DCC: variants seen among roughly 807,000 people sequenced by gnomAD.
DCC encodes the protein netrin receptor DCC.
DCC carries 58 observed loss-of-function variants against 172.5 expected under a neutral mutation model. That is an observed-to-expected ratio of 0.34 (90% confidence interval 0.27 to 0.42). The LOEUF (loss-of-function observed/expected upper bound fraction) is 0.42. DCC is among the 10% of genes least tolerant of loss of function. The pLI is 1.00. For synonymous variants in DCC, 709 were observed against 644.5 expected (o/e 1.10, Z -1.52); for missense variants, 1,740 against 1,791.0 (o/e 0.97, Z 0.51).
At chr18:52,373,767 G>A (rs1250492213) in intron 1 of DCC, among the ~76,000 whole-genome samples, 1 of 151,980 alleles carries the variant, frequency 6.6e-6, no homozygotes, top group Admixed American at 6.6e-5. Context: ...TAGCCTAAAT[G>A]ATGCTAACAC....
chr18:52,421,692 C>G (rs1057186171), intron 1 of DCC, among the ~76,000 whole-genome samples: 3 of 152,312 alleles, frequency 2.0e-5, no homozygotes, highest in East Asian at 1.9e-4. Flanking sequence ...GTGGTTCTGG[C>G]ATGAGAAGCA....
intron 21 of DCC, among the ~76,000 whole-genome samples, chr18:53,429,047 TAATATATTATATA>T (rs1568127045): frequency 2.4e-4 from 8 of 33,878 alleles, no homozygotes; most frequent in Non-Finnish European, 4.3e-4. Flanking sequence ...ATTTTATATA[TAATATATTATATA>T]TTTTATATAT....
At chr18:53,347,489 G>T (rs186903273) in intron 15 of DCC, among the ~76,000 whole-genome samples, 1 of 152,106 alleles carries the variant, frequency 6.6e-6, no homozygotes, top group Non-Finnish European at 1.5e-5. Flanking sequence ...AGCTGTTATT[G>T]TGAACATTCT....
At chr18:53,528,496 G>C (rs2046484504) in intron 28 of DCC, among the ~76,000 whole-genome samples, 1 of 152,002 alleles carries the variant, frequency 6.6e-6, no homozygotes, top group Non-Finnish European at 1.5e-5. Context: ...ATCATGTCAG[G>C]TAGGCCTATT....
At chr18:53,154,350 A>G (rs1287284785) in intron 7 of DCC, among the ~76,000 whole-genome samples, 1 of 152,192 alleles carries the variant, frequency 6.6e-6, no homozygotes, top group East Asian at 1.9e-4. Flanking sequence ...GTACTTGAAC[A>G]AAAGTCCTCT....
At chr18:53,373,075 T>C (rs1472094844) in intron 15 of DCC, among the ~76,000 whole-genome samples, 2 of 152,170 alleles carry the variant, frequency 1.3e-5, no homozygotes, top group South Asian at 2.1e-4. Context: ...TTTGTTTGCT[T>C]TCCTTTATCA....
intron 5 of DCC, among the ~76,000 whole-genome samples, chr18:52,981,596 G>A (rs901729096): frequency 1.3e-5 from 2 of 152,018 alleles, no homozygotes; most frequent in Non-Finnish European, 1.5e-5. Context: ...CTCTATAGGT[G>A]TTGCCAACAA....
intron 1 of DCC, among the ~76,000 whole-genome samples, chr18:52,750,486 A>G (rs1405962217): frequency 6.6e-6 from 1 of 152,176 alleles, no homozygotes; most frequent in Non-Finnish European, 1.5e-5. Context: ...ATTATTTTAC[A>G]ATTTATATTA....
chr18:53,103,032 T>C (rs1011600605), intron 7 of DCC, among the ~76,000 whole-genome samples: 5 of 152,102 alleles, frequency 3.3e-5, no homozygotes, highest in African/African-American at 1.2e-4. Context: ...TAGCTCACAG[T>C]TTTGAAAATT....
intron 1 of DCC, among the ~76,000 whole-genome samples, chr18:52,557,539 T>C (rs2032943550): frequency 1.3e-5 from 2 of 152,226 alleles, no homozygotes; most frequent in African/African-American, 2.4e-5. Context: ...ATAATACTAT[T>C]GATATACTAC....
chr18:53,399,622 G>GCA (rs1568107352), intron 18 of DCC, among the ~76,000 whole-genome samples: 4,389 of 34,250 alleles, frequency 0.13, 2,093 homozygotes, highest in Middle Eastern at 0.27. Flanking sequence ...AAATCAGAGG[G>GCA]GGCCGGGCGC....
intron 1 of DCC, among the ~76,000 whole-genome samples, chr18:52,457,845 C>T (rs1988505368): frequency 6.6e-6 from 1 of 152,114 alleles, no homozygotes; most frequent in Non-Finnish European, 1.5e-5. Context: ...CTTGGGAAAT[C>T]CAAGTTATCC....
At chr18:53,183,249 G>A (rs1160072837) in intron 9 of DCC, among the ~76,000 whole-genome samples, 1 of 152,070 alleles carries the variant, frequency 6.6e-6, no homozygotes, top group Non-Finnish European at 1.5e-5. Context: ...ATCATTTAAA[G>A]AGATCGACAG....
intron 20 of DCC, among the ~76,000 whole-genome samples, chr18:53,413,619 G>A (rs62100051): frequency 0.43 from 65,671 of 152,014 alleles, 16,000 homozygotes; most frequent in Non-Finnish European, 0.56. Context: ...CATTACATGT[G>A]GTTATTTATC....
chr18:52,731,985 T>A (rs74919562), intron 1 of DCC, among the ~76,000 whole-genome samples: 3,612 of 152,322 alleles, frequency 0.024, 65 homozygotes, highest in Non-Finnish European at 0.036. Flanking sequence ...TTTTTACGGC[T>A]TTCTATATGC....
chr18:52,538,698 G>T (rs940146009), intron 1 of DCC, among the ~76,000 whole-genome samples: 1 of 152,166 alleles, frequency 6.6e-6, no homozygotes, highest in African/African-American at 2.4e-5. Context: ...TCTTCAGAGA[G>T]CTGTGTCCCT....
chr18:52,349,693 C>G (rs1984032635), intron 1 of DCC, among the ~76,000 whole-genome samples: 1 of 152,094 alleles, frequency 6.6e-6, no homozygotes, highest in Non-Finnish European at 1.5e-5. Flanking sequence ...TCCTGCATAC[C>G]CTTTTCAGTG....
chr18:52,643,546 T>C (rs984710536), intron 1 of DCC, among the ~76,000 whole-genome samples: 12 of 152,298 alleles, frequency 7.9e-5, no homozygotes, highest in African/African-American at 2.9e-4. Flanking sequence ...ACTCATCAGC[T>C]AATTATGGTC....
intron 1 of DCC, among the ~76,000 whole-genome samples, chr18:52,682,091 A>G (rs560167327): frequency 2.6e-5 from 4 of 152,246 alleles, no homozygotes; most frequent in African/African-American, 9.6e-5. Flanking sequence ...CTACATAAAT[A>G]GAGAGGGCAA....
Sources: gnomAD v4.1 joint callset for allele counts (sites outside exome capture counted in the v4.1 genomes callset) on GRCh38, gnomAD v4.1.1 for gene constraint, MANE v1.5 for transcripts, NCBI Gene and HGNC (gene_info 2026-07-23, HGNC 2026-07-21) for gene names.